The following NPC1 variants were observed in gnomAD, a reference collection of about 807,000 sequenced individuals.
NPC1 encodes the protein NPC intracellular cholesterol transporter 1.
NPC1 carries 85 observed loss-of-function variants against 140.4 expected under a neutral mutation model. The observed-to-expected ratio is 0.61, with a 90% CI of 0.51 to 0.72. NPC1 has a LOEUF of 0.72. Among genes scored for constraint, NPC1 ranks in the 30% least tolerant of loss-of-function variants. The pLI, the probability that NPC1 is intolerant of heterozygous loss-of-function variation, is 0.00. For synonymous variants in NPC1, 656 were observed against 624.8 expected (o/e 1.05, Z -0.74); for missense variants, 1,504 against 1,623.8 (o/e 0.93, Z 1.27).
At chr18:23,529,092 G>A (rs747623608), downstream of NPC1, 15 of 1,525,686 alleles carry the variant, frequency 9.8e-6, no homozygotes, top group Non-Finnish European at 1.2e-5. Flanking sequence ...GGTCCACATC[G>A]AAGAATTCAG....
chr18:23,552,197 G>A (rs28721396), intron 9 of NPC1, among the ~76,000 whole-genome samples: 23,191 of 152,034 alleles, frequency 0.15, 1,892 homozygotes, highest in Middle Eastern at 0.29. Flanking sequence ...ATGGTGGCAC[G>A]CCTAATCTCA....
At chr18:23,550,286 C>A (rs1387684694) in intron 10 of NPC1, among the ~76,000 whole-genome samples, 3 of 152,022 alleles carry the variant, frequency 2.0e-5, no homozygotes, top group Admixed American at 6.6e-5. Context: ...GCTGGGATTA[C>A]AGGCATGAAT....
chr18:23,541,046 A>G (rs1330927897), intron 16 of NPC1, 22 bp downstream of exon 16: 2 of 1,613,838 alleles, frequency 1.2e-6, no homozygotes, highest in African/African-American at 2.7e-5. Flanking sequence ...AGGAAAGAGA[A>G]AAACCACAGA....
chr18:23,539,437 G>A lies in NPC1; in HGVS notation c.2829C>T (p.Ile943=), dbSNP rs1200552626. The stretch of plus-strand genomic sequence containing the variant: ...GCTTCACCCAGTCGAAATAATCGTC[G>A]ATCCAGGACGAGGGGGCGAAGCCTA... ...TRIGFAPSSW[I]DDYFDWVKPQ... Residue 943 remains isoleucine, a synonymous_variant, in exon 19 of 25, where the codon ATC becomes ATT. Transcript: ENST00000269228. The A allele has an allele frequency of 1.2e-6, 2 of 1,613,578 alleles. No homozygotes were observed. Among genetic ancestry groups the A allele is most frequent in the East Asian group, 2.2e-5 (1 of 44,880 alleles).
chr18:23,544,900 GACGTTACACTGTGCA>G, intron 12 of NPC1, 45 bp downstream of exon 12: 1 of 1,211,552 alleles, frequency 8.3e-7, no homozygotes, highest in Non-Finnish European at 1.2e-6. Flanking sequence ...GCAAAAATAT[GACGTTACACTGTGCA>G]CTGCTGTTAA....
chr18:23,508,136 G>C (rs1233100949), intron 3 of NPC1: 2 of 1,154,638 alleles, frequency 1.7e-6, no homozygotes, highest in Non-Finnish European at 2.4e-6. Flanking sequence ...AGGGAGCACA[G>C]ACTTGAAGTC....
In NPC1 at chr18:23,544,952, C is replaced by CCCCCCG. The variant is rs1555634618; in HGVS notation, c.1947+7_1947+8insCGGGGG. 7.7e-6 allele frequency: 11 copies of CCCCCCG among 1,431,026 alleles called. No homozygotes were observed. Among genetic ancestry groups the CCCCCCG allele is most frequent in the Admixed American group, 1.8e-5 (1 of 55,916 alleles). 88.6% of individuals were successfully genotyped at this position (1,431,026 alleles called of 1,614,324 possible). On this transcript the variant is annotated splice_region_variant and intron_variant, in intron 12 of 24. Coordinates refer to ENST00000269228, the MANE Select transcript of NPC1 (RefSeq NM_000271.5). ...CTCTAGAACATACACCACCCCCCCC[C>CCCCCCG]GGCTTACCAGAAGCCTGCGACAGCT... is the stretch of plus-strand genomic sequence containing the variant.
At chr18:23,570,284 A>G (rs1407012654) in intron 3 of NPC1, among the ~76,000 whole-genome samples, 1 of 152,210 alleles carries the variant, frequency 6.6e-6, no homozygotes, top group Non-Finnish European at 1.5e-5. Flanking sequence ...TTATAAATCA[A>G]GCTTTGGTAC....
intron 3 of NPC1, chr18:23,509,372 T>TA: frequency 2.6e-6 from 1 of 382,230 alleles, no homozygotes; most frequent in South Asian, 1.2e-4. Flanking sequence ...TATATATATA[T>TA]TTTAAACATT....
chr18:23,573,631 C>G, intron 1 of NPC1, 57 bp from the exon 2 acceptor site: 1 of 1,606,906 alleles, frequency 6.2e-7, no homozygotes, highest in Non-Finnish European at 8.5e-7. Context: ...TAAATTTCAA[C>G]AAGAAGTGCC....
intron 1 of NPC1, among the ~76,000 whole-genome samples, chr18:23,585,993 C>T (rs1041381499): frequency 2.0e-5 from 3 of 152,244 alleles, no homozygotes; most frequent in Admixed American, 2.0e-4. Flanking sequence ...TCCCACTCTA[C>T]CCACTTTCCT....
chr18:23,519,230 AT>A, downstream of NPC1: 1 of 1,522,990 alleles, frequency 6.6e-7, no homozygotes, highest in Non-Finnish European at 9.1e-7. Flanking sequence ...CCTTGTGAAA[AT>A]TGGTGGCTGG....
rs561093078 is a variant in NPC1 at position 23,578,578 on chromosome 18, C to T, written c.58-5004G>A. On this transcript the variant is annotated intron_variant, in intron 1 of 24. Coordinates refer to ENST00000269228, the MANE Select transcript of NPC1 (RefSeq NM_000271.5). ...AGCTGCTCCACCTCAGGGGCCTCCA[C>T]ACCTCCATCTCTTTCTCTTCTGTGT... 2.1e-4 allele frequency among the ~76,000 whole-genome samples: 32 copies of T among 152,302 alleles called. No individual in the cohort carries two copies. The South Asian group carries it at 5.6e-3, about 27-fold the overall frequency.
At chr18:23,520,249 C>T (rs145460824), downstream of NPC1, 57 of 1,614,116 alleles carry the variant, frequency 3.5e-5, no homozygotes, top group East Asian at 8.7e-4. Context: ...TTGACGGCTC[C>T]GTTACCTTCC....
In NPC1 at chr18:23,540,515, A is replaced by G; in HGVS notation, c.2537T>C (p.Leu846Pro). The G allele has an allele frequency of 2.5e-6, 4 of 1,612,976 alleles. No homozygotes were observed. The highest frequency in any genetic ancestry group is 3.4e-6 in the Non-Finnish European group (4 of 1,178,916). The change falls in exon 17 of 25, where the codon CTG (leucine) becomes CCG (proline). Residue 846 changes from leucine (L) to proline (P), a missense_variant. By Grantham distance (98) the Leu-to-Pro change is moderately conservative. Coordinates refer to ENST00000269228, the MANE Select transcript of NPC1 (RefSeq NM_000271.5). ...GTTCAGGACTGCGATGCTGAATGAC[A>G]GAACACCCACAAATATTGCTATCTG... Reference protein sequence around the residue: ...PIVIAIFVGVLSFSIAVLNKV... With the variant: ...PIVIAIFVGVPSFSIAVLNKV...
Position 23,544,946 on chromosome 18 carries a change from C to CA in NPC1, c.1947+13_1947+14insT, listed in dbSNP as rs1555634643. ...GTTAACCTCTAGAACATACACCACC[C>CA]CCCCCCGGCTTACCAGAAGCCTGCG... On this transcript the variant is annotated intron_variant, in intron 12 of 24. Coordinates refer to ENST00000269228, the MANE Select transcript of NPC1 (RefSeq NM_000271.5). The CA allele has an allele frequency of 2.0e-5, 26 of 1,329,792 alleles. 1 individual carries two copies. Among genetic ancestry groups the CA allele is most frequent in the Admixed American group, 1.8e-4 (10 of 55,438 alleles). 82.4% of individuals were successfully genotyped at this position (1,329,792 alleles called of 1,614,324 possible). A position where few individuals can be genotyped will look rare whatever the true frequency, so the allele number is the denominator to read the frequency against.
In NPC1 at chr18:23,533,377, G is replaced by A. The variant is rs1621962; in HGVS notation, c.3732C>T (p.Leu1244=). 3.2e-5 allele frequency: 52 copies of A among 1,613,986 alleles called. No individual in the cohort carries two copies. In the African/African-American group the frequency reaches 5.1e-4, roughly 16 times the overall value. The change falls in exon 24 of 25, where the codon CTC becomes CTT. Residue 1244 remains leucine (L), a synonymous_variant. Coordinates refer to ENST00000269228, the MANE Select transcript of NPC1 (RefSeq NM_000271.5). Reference sequence around the variant, plus strand: ...TACCTATGTAACTGAGTAAGACAGGGAGAAATATTAATCCGTGAGTGGCTC... The same window carrying A: ...TACCTATGTAACTGAGTAAGACAGGAAGAAATATTAATCCGTGAGTGGCTC... ...LLGATHGLIF[L]PVLLSYIGPS... is the part of the protein sequence containing the mutation.
downstream of NPC1, among the ~76,000 whole-genome samples, chr18:23,531,191 A>G (rs1026791867): frequency 1.3e-5 from 2 of 151,978 alleles, no homozygotes; most frequent in African/African-American, 4.8e-5. Flanking sequence ...GGGTTTTACT[A>G]TATTGTCCAG....
chr18:23,532,703 T>C (rs2058552510), intron 24 of NPC1, among the ~76,000 whole-genome samples: 1 of 151,282 alleles, frequency 6.6e-6, no homozygotes, highest in African/African-American at 2.4e-5. Context: ...CTCTTTTTTT[T>C]TTTTTTTTTC....
Sources: allele counts gnomAD v4.1 joint callset (sites outside exome capture counted in the v4.1 genomes callset), GRCh38; gene constraint gnomAD v4.1.1; transcripts MANE v1.5; gene names NCBI Gene and HGNC (gene_info 2026-07-23, HGNC 2026-07-21).